The following ARL14EP variants were observed in gnomAD, a reference collection of about 807,000 sequenced individuals.
ARL14EP encodes the protein ARL14 effector protein.
ARL14EP carries 12 observed loss-of-function variants against 23.1 expected under a neutral mutation model. The observed-to-expected ratio is 0.52, with a 90% confidence interval of 0.33 to 0.84. The LOEUF is 0.84. Ranked by LOEUF, ARL14EP falls within the 40% of genes least tolerant of loss-of-function variation. The pLI is 0.02. For synonymous variants in ARL14EP, 97 were observed against 102.0 expected (o/e 0.95, Z 0.29); for missense variants, 253 against 307.3 (o/e 0.82, Z 1.32).
intron 1 of ARL14EP, among the ~76,000 whole-genome samples, chr11:30,327,815 A>G (rs1298137524): frequency 6.6e-6 from 1 of 150,782 alleles, no homozygotes; most frequent in African/African-American, 2.4e-5. Context: ...AAAAAAAAAA[A>G]AAAAGCAAAA....
chr11:30,325,429 G>A (rs1947229262), intron 1 of ARL14EP, among the ~76,000 whole-genome samples: 2 of 152,154 alleles, frequency 1.3e-5, no homozygotes, highest in Non-Finnish European at 2.9e-5. Context: ...TCAAGGGTGG[G>A]AGGATTTTTT....
chr11:30,331,851 C>A, intron 2 of ARL14EP: 1 of 964,914 alleles, frequency 1.0e-6, no homozygotes, highest in Non-Finnish European at 1.2e-6. Context: ...TCCTTTGACA[C>A]TGTCTCGTTC....
intron 2 of ARL14EP, chr11:30,331,595 T>C (rs1947284186): frequency 1.4e-6 from 2 of 1,395,226 alleles, no homozygotes; most frequent in Non-Finnish European, 1.9e-6. Flanking sequence ...TAATAAAATA[T>C]GCCTAAGACT....
chr11:30,334,457 G>A (rs1166475905), intron 3 of ARL14EP, among the ~76,000 whole-genome samples: 1 of 151,914 alleles, frequency 6.6e-6, no homozygotes, highest in Non-Finnish European at 1.5e-5. Flanking sequence ...CTCGTGATCT[G>A]CCCACCTTGG....
chr11:30,331,287 G>A lies in ARL14EP; in HGVS notation c.339G>A (p.Trp113Ter), dbSNP rs2133649506. The A allele has an allele frequency of 2.5e-6, 4 of 1,613,952 alleles. No individual in the cohort carries two copies. The highest frequency in any genetic ancestry group is 3.4e-6 in the Non-Finnish European group (4 of 1,179,866). The part of the protein sequence containing the change: ...AKFGRQLVPG[W>*]KLCPKCTQII... ...TTGGAAGACAGCTTGTACCTGGTTG[G>A]AAGCTTTGTCCAAAATGCACACAGA... Residue 113 changes from tryptophan (W) to a stop codon, truncating the protein, a stop_gained, in exon 2 of 4, where the codon TGG (tryptophan) becomes TGA (stop). Coordinates refer to ENST00000282032, the MANE Select transcript of ARL14EP (RefSeq NM_152316.3). LOFTEE classifies it high-confidence loss of function.
chr11:30,325,394 G>T (rs912757015), intron 1 of ARL14EP, among the ~76,000 whole-genome samples: 10 of 152,106 alleles, frequency 6.6e-5, no homozygotes, highest in African/African-American at 1.2e-4. Flanking sequence ...GGTAAACAAG[G>T]GGGGATCCTT....
chr11:30,331,839 T>C, intron 2 of ARL14EP: 6 of 982,862 alleles, frequency 6.1e-6, no homozygotes, highest in Non-Finnish European at 7.3e-6. Flanking sequence ...ACTCTTTTTT[T>C]CTCCTTTGAC....
In ARL14EP at chr11:30,323,142, A is replaced by T. The variant is rs753550336; in HGVS notation, c.-124A>T. The stretch of plus-strand genomic sequence containing the variant: ...GGACTGGCTGGGAAGCGGTCGGTCG[A>T]GTGTGGCCTGTGTGGACTCGCATCT... On this transcript the variant is annotated 5_prime_UTR_variant, in exon 1 of 4. Transcript: ENST00000282032. The T allele has an allele frequency of 6.5e-6, 1 of 152,904 alleles. No homozygotes were observed. The highest frequency in any genetic ancestry group is 2.1e-4 in the South Asian group (1 of 4,834). 9.5% of individuals were successfully genotyped at this position (152,904 alleles called of 1,614,324 possible). A position where few individuals can be genotyped will look rare whatever the true frequency, so the allele number is the denominator to read the frequency against.
intron 1 of ARL14EP, chr11:30,328,159 T>C (rs1449006223): frequency 6.6e-6 from 1 of 152,032 alleles, no homozygotes; most frequent in East Asian, 1.9e-4. Context: ...TTTTTTATTT[T>C]TTGAGATGAG....
intron 3 of ARL14EP, among the ~76,000 whole-genome samples, chr11:30,336,357 T>A (rs1947331655): frequency 7.7e-6 from 1 of 130,018 alleles, no homozygotes; most frequent in South Asian, 2.7e-4. Context: ...TAGATTTGTC[T>A]CAACACTCTA....
chr11:30,335,067 A>T (rs1051398274), intron 3 of ARL14EP, among the ~76,000 whole-genome samples: 1 of 152,216 alleles, frequency 6.6e-6, no homozygotes, highest in African/African-American at 2.4e-5. Context: ...TCTGGAAAGG[A>T]TTCACCATTC....
At chr11:30,326,886 T>C (rs957688155) in intron 1 of ARL14EP, among the ~76,000 whole-genome samples, 1 of 152,244 alleles carries the variant, frequency 6.6e-6, no homozygotes, top group African/African-American at 2.4e-5. Context: ...AATTTTAATC[T>C]GTGTAAAATT....
Position 30,337,517 on chromosome 11 carries a change from T to C in ARL14EP, c.*722T>C, listed in dbSNP as rs183919537. On this transcript the variant is annotated 3_prime_UTR_variant, in exon 4 of 4. Coordinates refer to ENST00000282032, the MANE Select transcript of ARL14EP (RefSeq NM_152316.3). The stretch of plus-strand genomic sequence containing the variant: ...AATTTGTAGAAGAAGTCACTGACCA[T>C]GGGAATGTTGTTCTTGCTGCTGTGT... The C allele has an allele frequency of 6.6e-6, 1 of 152,364 alleles. No individual in the cohort carries two copies. Among genetic ancestry groups the C allele is most frequent in the Non-Finnish European group, 1.5e-5 (1 of 68,106 alleles). The allele number at this position is 152,364 out of a possible 1,614,324, so 9.4% of individuals were successfully genotyped here.
chr11:30,336,854 T>A lies in ARL14EP; in HGVS notation c.*59T>A. 1 of 1,420,338 alleles carries A rather than the reference T, an allele frequency of 7.0e-7. No individual in the cohort carries two copies. The highest frequency in any genetic ancestry group is 9.9e-7 in the Non-Finnish European group (1 of 1,011,274). The allele number at this position is 1,420,338 out of a possible 1,614,324, so 88.0% of individuals were successfully genotyped here. On this transcript the variant is annotated 3_prime_UTR_variant, in exon 4 of 4. Transcript: ENST00000282032. ...CTTTATTTCTAAAAATCTGTTACTC[T>A]AAGATACATTTTAAGCTTGATTATC...
rs146545590 is a variant in ARL14EP at position 30,331,332 on chromosome 11, T to A, written c.384T>A (p.Asp128Glu). Residue 128 changes from aspartate (D) to glutamate (E), a missense_variant, in exon 2 of 4, where the codon GAT (aspartate) becomes GAA (glutamate). Physicochemically the swap from Asp to Glu is conservative, Grantham distance 45. Coordinates refer to ENST00000282032, the MANE Select transcript of ARL14EP (RefSeq NM_152316.3). Reference sequence around the variant, plus strand: ...CACAGATAATCAATGGAAGTGTGGATGTTGATACTGAAGACCGCCAGAAAA... The same window carrying A: ...CACAGATAATCAATGGAAGTGTGGAAGTTGATACTGAAGACCGCCAGAAAA... Reference protein sequence around the residue: ...KCTQIINGSVDVDTEDRQKRK... With the variant: ...KCTQIINGSVEVDTEDRQKRK... The A allele has an allele frequency of 1.2e-6, 2 of 1,613,860 alleles. No homozygotes were observed. The highest frequency in any genetic ancestry group is 1.7e-5 in the Admixed American group (1 of 59,994).
intron 3 of ARL14EP, among the ~76,000 whole-genome samples, chr11:30,334,208 CTTTTTTTTTTT>C (rs36111177): frequency 7.0e-5 from 6 of 86,014 alleles, no homozygotes; most frequent in East Asian, 7.3e-4. Context: ...GACCAGCCTT[CTTTTTTTTTTT>C]TTTTTTTTTT....
In ARL14EP at chr11:30,336,600, T is replaced by C. The variant is rs2133655829; in HGVS notation, c.588T>C (p.Asp196=). ...QVIPAKSKVY[D]SQGLLIFSGM... Reference sequence around the variant, plus strand: ...TACCAGCAAAGAGTAAGGTCTATGATAGCCAGGGTCTCCTGATTTTTAGTG... The same window carrying C: ...TACCAGCAAAGAGTAAGGTCTATGACAGCCAGGGTCTCCTGATTTTTAGTG... The change falls in exon 4 of 4, where the codon GAT becomes GAC. Residue 196 remains aspartate (D), a synonymous_variant. Coordinates refer to ENST00000282032, the MANE Select transcript of ARL14EP (RefSeq NM_152316.3). 2 of 1,614,082 alleles carry C rather than the reference T, an allele frequency of 1.2e-6. No individual in the cohort carries two copies. The highest frequency in any genetic ancestry group is 3.3e-4 in the Middle Eastern group (2 of 6,062).
intron 2 of ARL14EP, 34 bp downstream of exon 2, chr11:30,331,408 A>C: frequency 6.2e-7 from 1 of 1,613,310 alleles, no homozygotes; most frequent in Non-Finnish European, 8.5e-7. Flanking sequence ...CTACATTGTG[A>C]ATTCTACCAT....
chr11:30,334,208 C>CTTTTTTTTTTTTTTTTTTTTT lies in ARL14EP; in HGVS notation c.554+1220_554+1240dup, dbSNP rs36111177. ...CAGATTTTCAATGTAGACCAGCCTT[C>CTTTTTTTTTTTTTTTTTTTTT]TTTTTTTTTTTTTTTTTTTTTTTTT... On this transcript the variant is annotated intron_variant, in intron 3 of 3. Coordinates refer to ENST00000282032, the MANE Select transcript of ARL14EP (RefSeq NM_152316.3). 7.9e-4 allele frequency among the ~76,000 whole-genome samples: 68 copies of CTTTTTTTTTTTTTTTTTTTTT among 86,030 alleles called. 1 individual carries two copies. Among genetic ancestry groups the CTTTTTTTTTTTTTTTTTTTTT allele is most frequent in the East Asian group, 3.7e-3 (5 of 1,362 alleles). 56.4% of individuals were successfully genotyped at this position (86,030 alleles called of 152,430 possible). A position where few individuals can be genotyped will look rare whatever the true frequency, so the allele number is the denominator to read the frequency against.
Sources: gnomAD v4.1 joint callset for allele counts (sites outside exome capture counted in the v4.1 genomes callset) on GRCh38, gnomAD v4.1.1 for gene constraint, MANE v1.5 for transcripts, NCBI Gene and HGNC (gene_info 2026-07-23, HGNC 2026-07-21) for gene names.